FGF1: variants seen among roughly 807,000 people sequenced by gnomAD.
The protein encoded by FGF1 is beta-endothelial cell growth factor.
FGF1 carries 9 observed loss-of-function variants against 13.4 expected under a neutral mutation model. The observed-to-expected ratio is 0.67, with a 90% CI of 0.40 to 1.17. FGF1 has a LOEUF of 1.17. Ranked by LOEUF, FGF1 falls within the 50% of genes most tolerant of loss-of-function variation. FGF1 has a pLI of 0.01. For missense variants in FGF1, 156 were observed against 192.7 expected (o/e 0.81, Z 1.13); for synonymous variants, 93 against 79.0 (o/e 1.18, Z -0.94).
chr5:142,675,020 C>A (rs571302438), intron 1 of FGF1, among the ~76,000 whole-genome samples: 1 of 152,290 alleles, frequency 6.6e-6, no homozygotes, highest in African/African-American at 2.4e-5. Flanking sequence ...AGCCGCCCTC[C>A]AAAGGCTTGG....
At chr5:142,640,799 G>A (rs996631320) in intron 1 of FGF1, among the ~76,000 whole-genome samples, 2 of 151,946 alleles carry the variant, frequency 1.3e-5, no homozygotes, top group Non-Finnish European at 1.5e-5. Flanking sequence ...GTGGCTGTTT[G>A]TGGCAGTCAC....
In FGF1 at chr5:142,600,722, C is replaced by T. The variant is rs1488617074; in HGVS notation, c.253G>A (p.Asp85Asn). The change falls in exon 3 of 4, where the codon GAC becomes AAC. Residue 85 changes from aspartate to asparagine, a missense_variant. Coordinates refer to ENST00000337706, the MANE Select transcript of FGF1 (RefSeq NM_000800.5). ...CTTACTGAGCCGTATAAAAGCCCGTCGGTGTCCATGGCCAAGTACTGGCCA... is the reference window on the plus strand; with the variant it reads ...CTTACTGAGCCGTATAAAAGCCCGTTGGTGTCCATGGCCAAGTACTGGCCA... ...ETGQYLAMDT[D>N]GLLYGSQTPN... 1.9e-5 allele frequency: 30 copies of T among 1,612,880 alleles called. No homozygotes were observed. Among genetic ancestry groups the T allele is most frequent in the East Asian group, 4.5e-5 (2 of 44,884 alleles).
chr5:142,598,831 G>A (rs1214927968), intron 3 of FGF1, among the ~76,000 whole-genome samples: 5 of 152,190 alleles, frequency 3.3e-5, no homozygotes, highest in African/African-American at 1.2e-4. Flanking sequence ...GGTGCCTGGA[G>A]CCTATCGGAA....
Position 142,646,330 on chromosome 5 carries a change from A to G in FGF1, c.-34-32169T>C, listed in dbSNP as rs1017031371. On this transcript the variant is annotated intron_variant, in intron 1 of 3. Transcript: ENST00000337706. ...TGCCTCAGCCTCCGAAGTAGCTGGG[A>G]TTACAGGTGCCTGCCACCGTGCCCA... 4.2e-5 allele frequency among the ~76,000 whole-genome samples: 6 copies of G among 144,398 alleles called. No individual in the cohort carries two copies. The East Asian group carries it at 1.3e-3, about 31-fold the overall frequency. The allele number at this position is 144,398 out of a possible 152,430, so 94.7% of individuals were successfully genotyped here.
chr5:142,693,235 T>C (rs1017578122), intron 2 of FGF1, among the ~76,000 whole-genome samples: 5 of 152,328 alleles, frequency 3.3e-5, no homozygotes, highest in Non-Finnish European at 5.9e-5. Flanking sequence ...GGCAAAGCCC[T>C]GTCGCGGGGT....
At chr5:142,607,552 T>C (rs1757964986) in intron 2 of FGF1, among the ~76,000 whole-genome samples, 1 of 152,206 alleles carries the variant, frequency 6.6e-6, no homozygotes, top group African/African-American at 2.4e-5. Flanking sequence ...ACTCTAACGA[T>C]AGAAATTTCT....
Position 142,595,113 on chromosome 5 carries a change from A to G in FGF1, c.*177T>C. The G allele has an allele frequency of 1.7e-6, 1 of 586,752 alleles. No individual in the cohort carries two copies. The highest frequency in any genetic ancestry group is 3.0e-6 in the Non-Finnish European group (1 of 332,334). The allele number at this position is 586,752 out of a possible 1,614,324, so 36.3% of individuals were successfully genotyped here. A position where few individuals can be genotyped will look rare whatever the true frequency, so the allele number is the denominator to read the frequency against. Reference sequence around the variant, plus strand: ...TTGGTCCCTCTGTTCTAAACTGTGCAGGGGTAAAAGGCTCTGCAAAGAAGT... The same window carrying G: ...TTGGTCCCTCTGTTCTAAACTGTGCGGGGGTAAAAGGCTCTGCAAAGAAGT... On this transcript the variant is annotated 3_prime_UTR_variant, in exon 4 of 4. Transcript: ENST00000337706.
intron 1 of FGF1, among the ~76,000 whole-genome samples, chr5:142,684,681 A>G (rs1413104313): frequency 2.0e-5 from 3 of 152,218 alleles, no homozygotes; most frequent in Admixed American, 6.5e-5. Context: ...AGTCATCCAC[A>G]CTGACAAACA....
chr5:142,675,986 C>T (rs1772522028), intron 1 of FGF1, among the ~76,000 whole-genome samples: 1 of 152,180 alleles, frequency 6.6e-6, no homozygotes, highest in Non-Finnish European at 1.5e-5. Context: ...GGAACATCTA[C>T]AGCTTAAAAC....
intron 1 of FGF1, among the ~76,000 whole-genome samples, chr5:142,637,721 C>T (rs1267517328): frequency 6.6e-6 from 1 of 152,096 alleles, no homozygotes; most frequent in Non-Finnish European, 1.5e-5. Context: ...TGCTCTTCTG[C>T]ACCCTGCCTT....
chr5:142,657,361 C>T (rs537961934), intron 1 of FGF1, among the ~76,000 whole-genome samples: 13 of 152,340 alleles, frequency 8.5e-5, no homozygotes, highest in Non-Finnish European at 1.5e-4. Flanking sequence ...CCTGCTCCCG[C>T]CCCGTTCTCT....
chr5:142,636,119 G>C (rs1764208303), intron 1 of FGF1, among the ~76,000 whole-genome samples: 1 of 152,204 alleles, frequency 6.6e-6, no homozygotes, highest in Non-Finnish European at 1.5e-5. Context: ...TGTGAGGCTG[G>C]AGCCGGATTT....
At chr5:142,618,924 G>GTTTTTCTT (rs1187824250) in intron 1 of FGF1, among the ~76,000 whole-genome samples, 1 of 78,324 alleles carries the variant, frequency 1.3e-5, no homozygotes, top group African/African-American at 4.7e-5. Flanking sequence ...TTTTTTAGTT[G>GTTTTTCTT]TTTTGTTTTT....
chr5:142,636,709 G>A (rs565697593), intron 1 of FGF1, among the ~76,000 whole-genome samples: 28 of 152,074 alleles, frequency 1.8e-4, no homozygotes, highest in Admixed American at 5.2e-4. Flanking sequence ...AGAGGAAGGG[G>A]TATTTCTATT....
intron 1 of FGF1, among the ~76,000 whole-genome samples, chr5:142,674,213 C>T (rs888239642): frequency 3.9e-5 from 6 of 152,230 alleles, no homozygotes; most frequent in Non-Finnish European, 7.3e-5. Flanking sequence ...ATCACAATCC[C>T]TGTTGACTTG....
rs41124 is a variant in FGF1, at chr5:142,594,227, G to C, written c.*1063C>G. 6.6e-6 allele frequency: 1 copy of C among 152,214 alleles called. No homozygotes were observed. The highest frequency in any genetic ancestry group is 2.1e-4 in the South Asian group (1 of 4,826). 9.4% of individuals were successfully genotyped at this position (152,214 alleles called of 1,614,324 possible). On this transcript the variant is annotated 3_prime_UTR_variant, in exon 4 of 4. Coordinates refer to ENST00000337706, the MANE Select transcript of FGF1 (RefSeq NM_000800.5). The stretch of plus-strand genomic sequence containing the variant: ...TTAATGTATGGCGGGTAAGGCAGCA[G>C]TATTGTCAGCACCTGCACCTGGGGG...
intron 1 of FGF1, among the ~76,000 whole-genome samples, chr5:142,640,546 G>A (rs1385631244): frequency 6.6e-6 from 1 of 151,924 alleles, no homozygotes; most frequent in Non-Finnish European, 1.5e-5. Flanking sequence ...ATGCGCATGA[G>A]CAGGGAGATG....
chr5:142,597,900 T>C (rs1755636855), intron 3 of FGF1, among the ~76,000 whole-genome samples: 1 of 152,214 alleles, frequency 6.6e-6, no homozygotes, highest in South Asian at 2.1e-4. Context: ...TGAGATAATA[T>C]AAAGCAGTCA....
At chr5:142,627,449 A>G (rs544065698) in intron 1 of FGF1, among the ~76,000 whole-genome samples, 14 of 152,368 alleles carry the variant, frequency 9.2e-5, no homozygotes, top group Non-Finnish European at 1.9e-4. Context: ...TAAAAAGGAC[A>G]AAACTCACAT....
Sources: allele counts gnomAD v4.1 joint callset (sites outside exome capture counted in the v4.1 genomes callset), GRCh38; gene constraint gnomAD v4.1.1; transcripts MANE v1.5; gene names NCBI Gene and HGNC (gene_info 2026-07-23, HGNC 2026-07-21).